VANGL1: variants seen among roughly 807,000 people sequenced by gnomAD.
The protein encoded by VANGL1 is VANGL planar cell polarity protein 1.
In VANGL1, 18 loss-of-function variants were observed where a neutral mutation model predicts 48.4. That is an observed-to-expected ratio of 0.37 (90% CI 0.26 to 0.55). VANGL1 has a LOEUF of 0.55. Ranked by LOEUF, VANGL1 falls within the 20% of genes least tolerant of loss-of-function variation. The pLI is 0.81. For missense variants in VANGL1, 667 were observed against 675.8 expected, an observed-to-expected ratio of 0.99 and a Z score of 0.14; for synonymous variants, 257 against 261.8, an observed-to-expected ratio of 0.98 and a Z score of 0.18.
intron 7 of VANGL1, among the ~76,000 whole-genome samples, chr1:115,690,589 C>T (rs1557778199): frequency 6.6e-6 from 1 of 152,212 alleles, no homozygotes; most frequent in Non-Finnish European, 1.5e-5. Context: ...TAGGTAGTGT[C>T]ATTGCGTCCA....
intron 5 of VANGL1, 44 bp from the exon 6 acceptor site, chr1:115,683,900 C>T: frequency 1.9e-6 from 3 of 1,607,678 alleles, no homozygotes; most frequent in Non-Finnish European, 2.6e-6. Flanking sequence ...TGTTTCCCAC[C>T]CTCGTGGTAT....
chr1:115,661,944 A>T (rs1190525759), intron 3 of VANGL1, among the ~76,000 whole-genome samples: 3 of 152,106 alleles, frequency 2.0e-5, no homozygotes, highest in Admixed American at 1.3e-4. Context: ...TAATTTTTGG[A>T]TAAAACCTGA....
At chr1:115,644,701 TTAAA>T (rs976637005) in intron 1 of VANGL1, among the ~76,000 whole-genome samples, 1 of 152,180 alleles carries the variant, frequency 6.6e-6, no homozygotes, top group African/African-American at 2.4e-5. Flanking sequence ...TTTCTGAAGT[TTAAA>T]TATCTGGCAG....
At chr1:115,662,720 G>A (rs912450471) in intron 3 of VANGL1, among the ~76,000 whole-genome samples, 1 of 151,960 alleles carries the variant, frequency 6.6e-6, no homozygotes, top group Non-Finnish European at 1.5e-5. Context: ...TGGTCCATGA[G>A]AAATATTGTT....
At position 115,664,168 on chromosome 1, in the gene VANGL1, A is replaced by T; in HGVS notation, c.712A>T (p.Ile238Phe). 1 of 1,614,034 alleles carries T rather than the reference A, an allele frequency of 6.2e-7. No homozygotes were observed. Among genetic ancestry groups the T allele is most frequent in the South Asian group, 1.1e-5 (1 of 91,078 alleles). Reference protein sequence around the residue: ...DALLFIHYLAIVLLELRQLQP... With the variant: ...DALLFIHYLAFVLLELRQLQP... The stretch of plus-strand genomic sequence containing the variant: ...CCTCCTCTTCATCCATTACCTGGCC[A>T]TCGTCCTGCTGGAGCTCAGGCAGCT... Residue 238 changes from isoleucine (I) to phenylalanine (F), a missense_variant, in exon 4 of 8, where the codon ATC becomes TTC. Ile to Phe is a conservative substitution (Grantham distance 21). Transcript: ENST00000355485.
In VANGL1 at chr1:115,664,210, C is replaced by G. The variant is rs1652687677; in HGVS notation, c.754C>G (p.Leu252Val). 6.2e-7 allele frequency: 1 copy of G among 1,613,998 alleles called. No homozygotes were observed. Among genetic ancestry groups the G allele is most frequent in the Non-Finnish European group, 8.5e-7 (1 of 1,180,018 alleles). ...ELRQLQPMFT[L>V]QVVRSTDGES... Reference sequence around the variant, plus strand: ...CAGGCAGCTGCAGCCCATGTTCACGCTGCAGGTGGTCCGCTCCACCGATGG... The same window carrying G: ...CAGGCAGCTGCAGCCCATGTTCACGGTGCAGGTGGTCCGCTCCACCGATGG... The change falls in exon 4 of 8, where the codon CTG (leucine) becomes GTG (valine). Residue 252 changes from leucine to valine, a missense_variant. By Grantham distance (32) the Leu-to-Val change is conservative (BLOSUM62 1). Transcript: ENST00000355485.
intron 1 of VANGL1, among the ~76,000 whole-genome samples, chr1:115,647,019 G>C (rs1165998187): frequency 6.6e-6 from 1 of 152,242 alleles, no homozygotes; most frequent in Non-Finnish European, 1.5e-5. Flanking sequence ...TAGAGAAGGA[G>C]GAGGGAGCTA....
intron 4 of VANGL1, among the ~76,000 whole-genome samples, chr1:115,666,390 G>A (rs139107046): frequency 6.6e-6 from 1 of 152,288 alleles, no homozygotes; most frequent in Non-Finnish European, 1.5e-5. Flanking sequence ...CAAACAGCCC[G>A]AGGAAAGTAT....
chr1:115,678,360 A>G (rs1653246217), intron 4 of VANGL1, among the ~76,000 whole-genome samples: 1 of 152,204 alleles, frequency 6.6e-6, no homozygotes, highest in Non-Finnish European at 1.5e-5. Flanking sequence ...TGGCGGAGGG[A>G]ATGGCTGCTC....
chr1:115,691,434 T>G lies in VANGL1; in HGVS notation c.*55T>G. On this transcript the variant is annotated 3_prime_UTR_variant, in exon 8 of 8. Transcript: ENST00000355485. ...AAAAAGAAAAATATATAGAGAGATA[T>G]ATATCTATGCCAGAGGGGTGTCTTT... 6.4e-7 allele frequency: 1 copy of G among 1,553,294 alleles called. No homozygotes were observed. The highest frequency in any genetic ancestry group is 8.7e-7 in the Non-Finnish European group (1 of 1,149,456).
chr1:115,656,520 G>C (rs943599982), intron 2 of VANGL1, among the ~76,000 whole-genome samples: 2 of 152,216 alleles, frequency 1.3e-5, no homozygotes, highest in Admixed American at 6.5e-5. Flanking sequence ...ACCTAGGATA[G>C]TTTTTCTGTG....
intron 7 of VANGL1, among the ~76,000 whole-genome samples, chr1:115,689,675 C>T (rs1484983568): frequency 7.4e-6 from 1 of 134,408 alleles, no homozygotes; most frequent in African/African-American, 2.8e-5. Context: ...AACTGTTCTT[C>T]GCCAGGTGCA....
rs960954798 is a variant in VANGL1 at position 115,686,912 on chromosome 1, A to G, written c.1314+1385A>G. Among the ~76,000 whole-genome samples, 4 of 140,888 alleles carry G rather than the reference A, an allele frequency of 2.8e-5. 1 individual carries two copies. Among genetic ancestry groups the G allele is most frequent in the Non-Finnish European group, 6.3e-5 (4 of 63,866 alleles). 92.4% of individuals were successfully genotyped at this position (140,888 alleles called of 152,430 possible). On this transcript the variant is annotated intron_variant, in intron 7 of 7. Coordinates refer to ENST00000355485, the MANE Select transcript of VANGL1 (RefSeq NM_138959.3). ...TATCTCTCTGACAGGGTTGTTGTGTAAGAATTACATTGAATATGGCAACAA... is the reference window on the plus strand; with the variant it reads ...TATCTCTCTGACAGGGTTGTTGTGTGAGAATTACATTGAATATGGCAACAA...
chr1:115,648,158 CT>C (rs1447378028), intron 1 of VANGL1, among the ~76,000 whole-genome samples: 1 of 152,158 alleles, frequency 6.6e-6, no homozygotes, highest in Non-Finnish European at 1.5e-5. Flanking sequence ...GGCAGCATGC[CT>C]TTGTCATTGC....
chr1:115,657,553 G>C (rs1012233627), intron 2 of VANGL1, among the ~76,000 whole-genome samples: 1 of 150,064 alleles, frequency 6.7e-6, no homozygotes, highest in African/African-American at 2.5e-5. Context: ...GGGGTAGGAT[G>C]TGAGGTAATT....
Position 115,642,045 on chromosome 1 carries a change from G to C in VANGL1, c.-179G>C. On this transcript the variant is annotated 5_prime_UTR_variant, in exon 1 of 8. Coordinates refer to ENST00000355485, the MANE Select transcript of VANGL1 (RefSeq NM_138959.3). ...GGCCGCAGAGCCGGGGCCGCTGTGA[G>C]CCGAGACCGCGGGCCGCGGAGCTCG... The C allele has an allele frequency of 6.6e-6, 1 of 151,598 alleles. No homozygotes were observed. Among genetic ancestry groups the C allele is most frequent in the East Asian group, 2.0e-4 (1 of 5,046 alleles). 9.4% of individuals were successfully genotyped at this position (151,598 alleles called of 1,614,324 possible). A position where few individuals can be genotyped will look rare whatever the true frequency, so the allele number is the denominator to read the frequency against.
intron 3 of VANGL1, among the ~76,000 whole-genome samples, 165 bp from the exon 4 acceptor site, chr1:115,663,496 C>T (rs1468729067): frequency 4.6e-5 from 7 of 152,150 alleles, no homozygotes; most frequent in African/African-American, 1.7e-4. Context: ...CAATGAAAAT[C>T]GTTTGAGTTA....
chr1:115,684,547 A>T (rs10923187), intron 6 of VANGL1, among the ~76,000 whole-genome samples: 62,686 of 152,022 alleles, frequency 0.41, 13,435 homozygotes, highest in African/African-American at 0.53. Flanking sequence ...AGTGTTTCTC[A>T]AACTGAAGCC....
At chr1:115,684,719 G>A (rs1023072142) in intron 6 of VANGL1, among the ~76,000 whole-genome samples, 2 of 152,202 alleles carry the variant, frequency 1.3e-5, no homozygotes, top group Admixed American at 6.5e-5. Context: ...CCATACTTGA[G>A]TGGGTCTGTT....
Sources: allele counts gnomAD v4.1 joint callset (sites outside exome capture counted in the v4.1 genomes callset), GRCh38; gene constraint gnomAD v4.1.1; transcripts MANE v1.5; gene names NCBI Gene and HGNC (gene_info 2026-07-23, HGNC 2026-07-21).